SEMA5A: variants seen among roughly 807,000 people sequenced by gnomAD.
SEMA5A encodes semaphorin 5A.
A neutral mutation model predicts 135.5 loss-of-function variants in SEMA5A; 55 were observed. That is an observed-to-expected ratio of 0.41 (90% CI 0.33 to 0.51). The LOEUF is 0.51. SEMA5A is among the 20% of genes least tolerant of loss of function. SEMA5A has a pLI of 0.37. For missense variants in SEMA5A, 1,290 were observed against 1,419.9 expected (o/e 0.91, Z 1.47); for synonymous variants, 580 against 546.5 (o/e 1.06, Z -0.85).
chr5:9,447,508 G>A (rs1758477726), intron 1 of SEMA5A, among the ~76,000 whole-genome samples: 1 of 152,156 alleles, frequency 6.6e-6, no homozygotes, highest in Non-Finnish European at 1.5e-5. Flanking sequence ...GGGCACCAAG[G>A]CCTAAAGAAG....
chr5:9,425,972 GATA>G (rs1164869404), intron 2 of SEMA5A, among the ~76,000 whole-genome samples: 1 of 152,152 alleles, frequency 6.6e-6, no homozygotes, highest in Non-Finnish European at 1.5e-5. Flanking sequence ...TTTAAATGGG[GATA>G]ATATTAGAAC....
intron 12 of SEMA5A, among the ~76,000 whole-genome samples, chr5:9,152,013 C>A (rs1264206193): frequency 6.6e-6 from 1 of 152,200 alleles, no homozygotes; most frequent in African/African-American, 2.4e-5. Context: ...ATGAGAGATG[C>A]CAGGGACACT....
At chr5:9,248,291 G>A (rs1748580365) in intron 5 of SEMA5A, among the ~76,000 whole-genome samples, 1 of 152,056 alleles carries the variant, frequency 6.6e-6, no homozygotes, top group African/African-American at 2.4e-5. Flanking sequence ...AGAACATGAG[G>A]CACTCCTTCC....
At chr5:9,217,211 G>C (rs761578435) in intron 8 of SEMA5A, among the ~76,000 whole-genome samples, 1 of 152,196 alleles carries the variant, frequency 6.6e-6, no homozygotes, top group Non-Finnish European at 1.5e-5. Context: ...CTTATCTGAA[G>C]AGAATCTTAT....
intron 1 of SEMA5A, among the ~76,000 whole-genome samples, chr5:9,479,122 T>G (rs1414357527): frequency 6.6e-6 from 1 of 152,166 alleles, no homozygotes; most frequent in Non-Finnish European, 1.5e-5. Flanking sequence ...CCACCATGAT[T>G]GTAAATTTCC....
At chr5:9,124,206 G>A (rs1239221170) in intron 13 of SEMA5A, among the ~76,000 whole-genome samples, 3 of 152,246 alleles carry the variant, frequency 2.0e-5, no homozygotes, top group Admixed American at 1.3e-4. Context: ...AGGCACTCAA[G>A]GGGAGGGCAT....
At chr5:9,468,472 T>G (rs535205746) in intron 1 of SEMA5A, among the ~76,000 whole-genome samples, 4 of 152,298 alleles carry the variant, frequency 2.6e-5, no homozygotes, top group Non-Finnish European at 4.4e-5. Flanking sequence ...ATCCTTCTTT[T>G]AATAAATTAC....
rs140344744 is a variant in SEMA5A at position 9,110,232 on chromosome 5, A to C, written c.1926-1945T>G. On this transcript the variant is annotated intron_variant, in intron 15 of 22. Coordinates refer to ENST00000382496, the MANE Select transcript of SEMA5A (RefSeq NM_003966.3). ...ATGAGAAATCAGGAAACTTCCACAGAGCTCCAGAGACAAAATAACTCCATG... is the reference window on the plus strand; with the variant it reads ...ATGAGAAATCAGGAAACTTCCACAGCGCTCCAGAGACAAAATAACTCCATG... 4.5e-4 allele frequency among the ~76,000 whole-genome samples: 69 copies of C among 152,362 alleles called. No individual in the cohort carries two copies. In the Middle Eastern group the frequency reaches 0.01, roughly 23 times the overall value.
rs950565206 is a variant in SEMA5A at position 9,205,323 on chromosome 5, C to A, written c.647-3083G>T. The stretch of plus-strand genomic sequence containing the variant: ...GTTATCATGGAAGTCAGGAATGACA[C>A]AGAAAGAAGAAAAAGTGGAAGAAGA... On this transcript the variant is annotated intron_variant, in intron 8 of 22. Coordinates refer to ENST00000382496, the MANE Select transcript of SEMA5A (RefSeq NM_003966.3). Among the ~76,000 whole-genome samples, 68 of 145,796 alleles carry A rather than the reference C, an allele frequency of 4.7e-4. 1 individual carries two copies. The highest frequency in any genetic ancestry group is 4.2e-3 in the Admixed American group (59 of 14,190).
intron 5 of SEMA5A, among the ~76,000 whole-genome samples, chr5:9,249,140 G>A (rs902818420): frequency 6.6e-6 from 1 of 152,192 alleles, no homozygotes; most frequent in Non-Finnish European, 1.5e-5. Flanking sequence ...CCTTTGTCAT[G>A]GGATTATTTT....
chr5:9,430,760 C>A (rs974486830), intron 2 of SEMA5A, among the ~76,000 whole-genome samples: 8 of 151,954 alleles, frequency 5.3e-5, no homozygotes, highest in Non-Finnish European at 8.8e-5. Flanking sequence ...ACTAAGGGAT[C>A]AGACTGGGCT....
intron 1 of SEMA5A, among the ~76,000 whole-genome samples, chr5:9,493,712 T>C (rs915698717): frequency 5.9e-5 from 9 of 152,186 alleles, no homozygotes; most frequent in African/African-American, 2.2e-4. Flanking sequence ...AAGCAACTTT[T>C]CCCATGCTAT....
chr5:9,090,617 G>C (rs765503935), intron 16 of SEMA5A, among the ~76,000 whole-genome samples: 2 of 152,174 alleles, frequency 1.3e-5, no homozygotes, highest in African/African-American at 2.4e-5. Flanking sequence ...TCTGAATGCT[G>C]CCAATGTGTT....
In SEMA5A at chr5:9,325,248, T is replaced by C. The variant is rs564522841; in HGVS notation, c.225-6831A>G. Among the ~76,000 whole-genome samples the C allele has an allele frequency of 4.6e-5, 7 of 152,276 alleles. No individual in the cohort carries two copies. The East Asian group carries it at 9.6e-4, about 21-fold the overall frequency. Reference sequence around the variant, plus strand: ...TGTGGTATGGATCTACTTTTTTTTTTTTTTCTCAAATGCCATGGAATAAAA... The same window carrying C: ...TGTGGTATGGATCTACTTTTTTTTTCTTTTCTCAAATGCCATGGAATAAAA... On this transcript the variant is annotated intron_variant, in intron 4 of 22. Transcript: ENST00000382496.
At chr5:9,502,500 T>G (rs1735647883) in intron 1 of SEMA5A, among the ~76,000 whole-genome samples, 1 of 152,136 alleles carries the variant, frequency 6.6e-6, no homozygotes, top group Admixed American at 6.5e-5. Context: ...AGGCCAGAGA[T>G]AGCAGAGAGC....
intron 1 of SEMA5A, among the ~76,000 whole-genome samples, chr5:9,468,288 G>A (rs1163602169): frequency 6.6e-6 from 1 of 152,282 alleles, no homozygotes; most frequent in Non-Finnish European, 1.5e-5. Context: ...TGAGATGTTA[G>A]GCAGACGCCT....
At chr5:9,071,213 T>A (rs1204749672) in intron 16 of SEMA5A, among the ~76,000 whole-genome samples, 2 of 152,200 alleles carry the variant, frequency 1.3e-5, no homozygotes, top group East Asian at 3.9e-4. Context: ...AAATGTTTAA[T>A]CCTGCAACCC....
At position 9,226,937 on chromosome 5, in the gene SEMA5A, G is replaced by A; in HGVS notation, c.364C>T (p.Leu122=). Residue 122 remains leucine (L), a synonymous_variant, in exon 7 of 23, where the codon CTG becomes TTG. Transcript: ENST00000382496. ...EECQNYIRVL[L]VGGDRLFTCG... ...GTGAATAACCGGTCGCCACCCACCAGAAGCACCCGGATGTAGTTCTGACAT... is the reference window on the plus strand; with the variant it reads ...GTGAATAACCGGTCGCCACCCACCAAAAGCACCCGGATGTAGTTCTGACAT... 1.3e-6 allele frequency: 2 copies of A among 1,573,316 alleles called. No homozygotes were observed. Among genetic ancestry groups the A allele is most frequent in the Non-Finnish European group, 8.6e-7 (1 of 1,157,328 alleles).
At chr5:9,213,735 T>C (rs1746468677) in intron 8 of SEMA5A, among the ~76,000 whole-genome samples, 1 of 152,220 alleles carries the variant, frequency 6.6e-6, no homozygotes, top group African/African-American at 2.4e-5. Context: ...AGTGGCCATG[T>C]GGACTGCAAA....
Sources: gnomAD v4.1 joint callset for allele counts (sites outside exome capture counted in the v4.1 genomes callset) on GRCh38, gnomAD v4.1.1 for gene constraint, MANE v1.5 for transcripts, NCBI Gene and HGNC (gene_info 2026-07-23, HGNC 2026-07-21) for gene names.